The following METTL15 variants were observed in gnomAD, a reference collection of about 807,000 sequenced individuals.
METTL15 encodes 12S rRNA N(4)-cytidine methyltransferase METTL15.
Under a neutral mutation model 38.3 loss-of-function variants are expected in METTL15, and 34 were observed. The ratio of observed to expected loss-of-function variants is 0.89; its 90% CI spans 0.68 to 1.18. The LOEUF is 1.18. METTL15 is among the 50% of genes most tolerant of loss of function. The pLI is 0.00. For missense variants in METTL15, 438 were observed against 498.4 expected (o/e 0.88, Z 1.15); for synonymous variants, 162 against 170.9 (o/e 0.95, Z 0.41).
At chr11:28,310,053 A>AC (rs1857221362) in intron 6 of METTL15, among the ~76,000 whole-genome samples, 3 of 152,046 alleles carry the variant, frequency 2.0e-5, no homozygotes, top group Non-Finnish European at 2.9e-5. Context: ...AGACCCCCCC[A>AC]TCAACTACTG....
intron 4 of METTL15, among the ~76,000 whole-genome samples, chr11:28,280,919 T>C (rs10767710): frequency 0.53 from 80,856 of 151,882 alleles, 22,980 homozygotes; most frequent in African/African-American, 0.73. Flanking sequence ...TCCTCTGTTT[T>C]CTTGAGTATA....
At chr11:28,191,015 G>A (rs1590132379) in intron 3 of METTL15, among the ~76,000 whole-genome samples, 1 of 151,186 alleles carries the variant, frequency 6.6e-6, no homozygotes, top group Non-Finnish European at 1.5e-5. Flanking sequence ...TTGACAGCAG[G>A]GAGATACTGT....
intron 4 of METTL15, among the ~76,000 whole-genome samples, chr11:28,259,045 G>T (rs1003049022): frequency 2.0e-5 from 3 of 152,008 alleles, no homozygotes; most frequent in African/African-American, 7.2e-5. Context: ...TAGTACCTGG[G>T]TATCACTGCT....
intron 2 of METTL15, among the ~76,000 whole-genome samples, chr11:28,111,147 A>C (rs1248988476): frequency 6.6e-6 from 1 of 152,226 alleles, no homozygotes; most frequent in Non-Finnish European, 1.5e-5. Flanking sequence ...AGGTTGACTC[A>C]AGTTGGCAGG....
chr11:28,505,877 T>C (rs1193023824), intron 6 of METTL15, among the ~76,000 whole-genome samples: 2 of 152,188 alleles, frequency 1.3e-5, no homozygotes, highest in African/African-American at 4.8e-5. Context: ...TAGGGTTTCC[T>C]TGAAGAGACA....
intron 3 of METTL15, among the ~76,000 whole-genome samples, chr11:28,153,192 C>G (rs1330992889): frequency 6.6e-6 from 1 of 152,020 alleles, no homozygotes; most frequent in Non-Finnish European, 1.5e-5. Context: ...CTGTGACTTA[C>G]AATGTCTAAC....
intron 3 of METTL15, among the ~76,000 whole-genome samples, chr11:28,138,941 C>G (rs79558476): frequency 0.033 from 5,026 of 152,248 alleles, 280 homozygotes; most frequent in African/African-American, 0.11. Context: ...TTGGCTACAG[C>G]CTAAGACTAG....
At chr11:28,254,537 ATTAC>A (rs1199179426) in intron 4 of METTL15, among the ~76,000 whole-genome samples, 1 of 152,052 alleles carries the variant, frequency 6.6e-6, no homozygotes, top group Non-Finnish European at 1.5e-5. Flanking sequence ...CTTGTGAGGT[ATTAC>A]TTAAGAAATC....
At chr11:28,141,519 C>CA (rs1565120448) in intron 3 of METTL15, among the ~76,000 whole-genome samples, 1 of 151,024 alleles carries the variant, frequency 6.6e-6, no homozygotes, top group African/African-American at 2.4e-5. Flanking sequence ...CCCATCTCTA[C>CA]AAAAAAATTA....
intron 6 of METTL15, among the ~76,000 whole-genome samples, chr11:28,321,061 G>T (rs757296449): frequency 2.0e-4 from 31 of 152,074 alleles, no homozygotes; most frequent in Non-Finnish European, 4.0e-4. Flanking sequence ...CTCTCCATTA[G>T]TCCAGGCTGA....
intron 3 of METTL15, among the ~76,000 whole-genome samples, chr11:28,208,204 G>T (rs899483465): frequency 2.6e-5 from 4 of 151,868 alleles, no homozygotes; most frequent in South Asian, 4.2e-4. Flanking sequence ...GTGATGTTAG[G>T]GTGTCAGTTT....
chr11:28,452,411 C>T (rs1387441730), intron 6 of METTL15, among the ~76,000 whole-genome samples: 1 of 152,108 alleles, frequency 6.6e-6, no homozygotes, highest in Non-Finnish European at 1.5e-5. Flanking sequence ...TATTTAATGA[C>T]AGCAATACAA....
intron 4 of METTL15, among the ~76,000 whole-genome samples, chr11:28,230,344 G>A (rs1361472887): frequency 6.6e-6 from 1 of 151,932 alleles, no homozygotes; most frequent in African/African-American, 2.4e-5. Flanking sequence ...ATTCATGAAA[G>A]TCAACGTGTA....
At chr11:28,485,796 A>G (rs1420215424) in intron 6 of METTL15, among the ~76,000 whole-genome samples, 1 of 152,080 alleles carries the variant, frequency 6.6e-6, no homozygotes, top group Non-Finnish European at 1.5e-5. Context: ...ATTCTGGAGG[A>G]CAGTCCGAGA....
chr11:28,137,893 A>G (rs1416416435), intron 3 of METTL15, among the ~76,000 whole-genome samples: 1 of 152,026 alleles, frequency 6.6e-6, no homozygotes, highest in African/African-American at 2.4e-5. Flanking sequence ...CACATGTATG[A>G]TTATACAGAC....
chr11:28,418,072 T>G (rs1850788621), intron 5 of METTL15, among the ~76,000 whole-genome samples: 1 of 152,084 alleles, frequency 6.6e-6, no homozygotes, highest in African/African-American at 2.4e-5. Flanking sequence ...TGGTATCAAG[T>G]TTTCAGAGTT....
intron 6 of METTL15, among the ~76,000 whole-genome samples, chr11:28,316,693 G>A (rs1287479623): frequency 1.3e-5 from 2 of 152,190 alleles, no homozygotes; most frequent in African/African-American, 4.8e-5. Context: ...TGTGTTGTGG[G>A]AAGGACCTGG....
chr11:28,210,224 G>T (rs1214146159), intron 3 of METTL15, among the ~76,000 whole-genome samples: 2 of 151,914 alleles, frequency 1.3e-5, no homozygotes. Context: ...TGAGTGATTT[G>T]TACTTAAGTA....
chr11:28,402,595 A>G (rs1850639541), intron 5 of METTL15, among the ~76,000 whole-genome samples: 1 of 151,950 alleles, frequency 6.6e-6, no homozygotes, highest in Non-Finnish European at 1.5e-5. Flanking sequence ...TGCATCTGTC[A>G]CTTTCAGAGG....
Sources: gnomAD v4.1 joint callset for allele counts (sites outside exome capture counted in the v4.1 genomes callset) on GRCh38, gnomAD v4.1.1 for gene constraint, MANE v1.5 for transcripts, NCBI Gene and HGNC (gene_info 2026-07-23, HGNC 2026-07-21) for gene names.